Variants in GPR158 observed in about 807,000 individuals in gnomAD.
The protein encoded by GPR158 is metabotropic glycine receptor.
Under a neutral mutation model 78.2 loss-of-function variants are expected in GPR158, and 30 were observed. That is an observed-to-expected ratio of 0.38 (90% confidence interval 0.29 to 0.52). The LOEUF (loss-of-function observed/expected upper bound fraction) is 0.52, where lower values mean the gene tolerates loss of function less well. Among genes scored for constraint, GPR158 ranks in the 20% least tolerant of loss-of-function variants. The pLI is 0.83. For missense variants in GPR158, 1,463 were observed against 1,523.5 expected, an observed-to-expected ratio of 0.96 and a Z score of 0.66; for synonymous variants, 581 against 591.1, an observed-to-expected ratio of 0.98 and a Z score of 0.25.
intron 2 of GPR158, among the ~76,000 whole-genome samples, chr10:25,255,849 C>T (rs563766078): frequency 1.2e-4 from 19 of 152,128 alleles, no homozygotes; most frequent in African/African-American, 3.4e-4. Flanking sequence ...TCATCTTTGT[C>T]GGGTAATATC....
chr10:25,191,747 A>G (rs1852774045), intron 1 of GPR158, among the ~76,000 whole-genome samples: 1 of 152,234 alleles, frequency 6.6e-6, no homozygotes. Context: ...GGAGCCTATC[A>G]GTACTGCAAA....
At chr10:25,522,847 A>G (rs1274282189) in intron 5 of GPR158, among the ~76,000 whole-genome samples, 2 of 152,178 alleles carry the variant, frequency 1.3e-5, no homozygotes, top group African/African-American at 4.8e-5. Context: ...AGTTTTTTAA[A>G]GACCCATAGT....
intron 6 of GPR158, among the ~76,000 whole-genome samples, chr10:25,555,879 A>G (rs922145631): frequency 1.3e-5 from 2 of 152,196 alleles, no homozygotes; most frequent in African/African-American, 4.8e-5. Context: ...CTCTGGGTAC[A>G]ACCCTTAGCT....
At chr10:25,322,347 C>T (rs1211494812) in intron 2 of GPR158, among the ~76,000 whole-genome samples, 1 of 151,256 alleles carries the variant, frequency 6.6e-6, no homozygotes, top group Non-Finnish European at 1.5e-5. Flanking sequence ...CGCCACTGCA[C>T]TCCAGCCTGG....
In GPR158 at chr10:25,292,267, C is replaced by T. The variant is rs147371447; in HGVS notation, c.1008+71110C>T. Among the ~76,000 whole-genome samples the T allele has an allele frequency of 3.7e-3, 562 of 152,014 alleles. 3 individuals are homozygous for T. Among genetic ancestry groups the T allele is most frequent in the African/African-American group, 0.011 (473 of 41,502 alleles). ...AAATTCCGTGTCCTTTGAATTCTTA[C>T]GAAACATTTTTAATGAATCAGTTTT... On this transcript the variant is annotated intron_variant, in intron 2 of 10. Transcript: ENST00000376351.
chr10:25,404,282 C>T (rs1011842326), intron 3 of GPR158, among the ~76,000 whole-genome samples: 1 of 151,936 alleles, frequency 6.6e-6, no homozygotes, highest in African/African-American at 2.4e-5. Context: ...CCTTTTAGAA[C>T]CTCATGAATT....
intron 1 of GPR158, among the ~76,000 whole-genome samples, chr10:25,211,409 C>T (rs1398393476): frequency 9.9e-5 from 15 of 152,152 alleles, no homozygotes. Context: ...GGTCTTGTTG[C>T]TGTGTCATCT....
intron 2 of GPR158, among the ~76,000 whole-genome samples, chr10:25,252,648 A>G (rs993253522): frequency 4.6e-5 from 7 of 152,168 alleles, no homozygotes; most frequent in South Asian, 2.1e-4. Flanking sequence ...TCAGGGACCC[A>G]CTTGAAGAGG....
At chr10:25,338,624 A>ATTAT (rs1588808454) in intron 2 of GPR158, among the ~76,000 whole-genome samples, 2 of 148,012 alleles carry the variant, frequency 1.4e-5, no homozygotes, top group Admixed American at 6.8e-5. Context: ...TCATATAAAT[A>ATTAT]TATAAGCTCT....
At chr10:25,406,284 C>T (rs1201606333) in intron 3 of GPR158, among the ~76,000 whole-genome samples, 1 of 152,126 alleles carries the variant, frequency 6.6e-6, no homozygotes, top group African/African-American at 2.4e-5. Context: ...AATATTCCAG[C>T]CTTCCATCTT....
intron 2 of GPR158, among the ~76,000 whole-genome samples, chr10:25,363,727 C>T (rs937444988): frequency 2.0e-5 from 3 of 151,850 alleles, no homozygotes; most frequent in African/African-American, 7.2e-5. Context: ...CTATGTGGTG[C>T]CTGCTTCTTA....
chr10:25,237,430 A>G (rs1229329763), intron 2 of GPR158, among the ~76,000 whole-genome samples: 3 of 152,236 alleles, frequency 2.0e-5, no homozygotes, highest in African/African-American at 4.8e-5. Flanking sequence ...TTTAATTCCT[A>G]TTAGGGAATG....
At chr10:25,298,248 T>C (rs996421001) in intron 2 of GPR158, among the ~76,000 whole-genome samples, 3 of 152,222 alleles carry the variant, frequency 2.0e-5, no homozygotes, top group African/African-American at 4.8e-5. Flanking sequence ...CTTGTTTTCG[T>C]ATTTTATTAC....
chr10:25,387,516 A>ATTTT (rs57404980), intron 2 of GPR158, among the ~76,000 whole-genome samples: 14 of 140,500 alleles, frequency 1.0e-4, no homozygotes, highest in African/African-American at 2.5e-4. Context: ...TTCTCTTCAA[A>ATTTT]TTTTTTTTTT....
chr10:25,474,632 T>A (rs1835555939), intron 5 of GPR158, among the ~76,000 whole-genome samples: 1 of 152,184 alleles, frequency 6.6e-6, no homozygotes, highest in Non-Finnish European at 1.5e-5. Flanking sequence ...AATGTCATTC[T>A]CTTGCACAGA....
chr10:25,435,455 C>T (rs144866730), intron 4 of GPR158, among the ~76,000 whole-genome samples: 6 of 152,000 alleles, frequency 3.9e-5, no homozygotes, highest in African/African-American at 7.2e-5. Context: ...GGGTAGAAAA[C>T]GGGTATCCCA....
chr10:25,258,794 T>A (rs1853926696), intron 2 of GPR158, among the ~76,000 whole-genome samples: 1 of 152,104 alleles, frequency 6.6e-6, no homozygotes, highest in Non-Finnish European at 1.5e-5. Flanking sequence ...AGTGGAAAAT[T>A]TACATGTAAC....
At chr10:25,252,970 C>T (rs977956045) in intron 2 of GPR158, among the ~76,000 whole-genome samples, 48 of 152,330 alleles carry the variant, frequency 3.2e-4, no homozygotes, top group African/African-American at 9.6e-4. Context: ...AGCGAGATTC[C>T]GTGGGCGTAG....
At chr10:25,453,081 A>G (rs1379988664) in intron 4 of GPR158, among the ~76,000 whole-genome samples, 1 of 152,196 alleles carries the variant, frequency 6.6e-6, no homozygotes, top group Admixed American at 6.5e-5. Context: ...GCTGAATAGT[A>G]TTCCATTGTG....
Sources: gnomAD v4.1 joint callset for allele counts (sites outside exome capture counted in the v4.1 genomes callset) on GRCh38, gnomAD v4.1.1 for gene constraint, MANE v1.5 for transcripts, NCBI Gene and HGNC (gene_info 2026-07-23, HGNC 2026-07-21) for gene names.